Variants in ARHGAP15 observed in about 807,000 individuals in gnomAD.
The protein encoded by ARHGAP15 is Rho GTPase activating protein 15.
ARHGAP15 carries 51 observed loss-of-function variants against 63.7 expected under a neutral mutation model. That is an observed-to-expected ratio of 0.80 (90% CI 0.64 to 1.01). The LOEUF (loss-of-function observed/expected upper bound fraction) is 1.01. Ranked by LOEUF, ARHGAP15 falls within the 50% of genes least tolerant of loss-of-function variation. The pLI is 0.00. For synonymous variants in ARHGAP15, 191 were observed against 193.8 expected (o/e 0.99, Z 0.12); for missense variants, 560 against 564.6 (o/e 0.99, Z 0.08).
At chr2:143,752,987 T>G (rs1286594014) in intron 13 of ARHGAP15, among the ~76,000 whole-genome samples, 6 of 152,030 alleles carry the variant, frequency 3.9e-5, no homozygotes, top group African/African-American at 1.4e-4. Flanking sequence ...ACAAAAAAAT[T>G]TTTTTTAATT....
chr2:143,702,226 A>G (rs1313282354), intron 12 of ARHGAP15, among the ~76,000 whole-genome samples: 1 of 152,224 alleles, frequency 6.6e-6, no homozygotes, highest in Admixed American at 6.5e-5. Flanking sequence ...ATAAATAATT[A>G]TACCTCTAGA....
At position 143,691,809 on chromosome 2, in the gene ARHGAP15, A is replaced by G. The variant is rs575743353; in HGVS notation, c.1139-11610A>G. Among the ~76,000 whole-genome samples, 5 of 152,332 alleles carry G rather than the reference A, an allele frequency of 3.3e-5. 1 individual carries two copies. The South Asian group carries it at 1.0e-3, about 32-fold the overall frequency. Reference sequence around the variant, plus strand: ...TCTTTGTGATAACCATTTTTAAGAAAAGGACAACTCCCATTGCAGATTGGC... The same window carrying G: ...TCTTTGTGATAACCATTTTTAAGAAGAGGACAACTCCCATTGCAGATTGGC... On this transcript the variant is annotated intron_variant, in intron 12 of 13. Coordinates refer to ENST00000295095, the MANE Select transcript of ARHGAP15 (RefSeq NM_018460.4).
chr2:143,540,370 C>G (rs1394498924), intron 10 of ARHGAP15, among the ~76,000 whole-genome samples: 1 of 152,130 alleles, frequency 6.6e-6, no homozygotes, highest in African/African-American at 2.4e-5. Context: ...AGCGTTTAGC[C>G]CATTTACATT....
intron 13 of ARHGAP15, among the ~76,000 whole-genome samples, chr2:143,707,361 G>A (rs1304144901): frequency 1.3e-5 from 2 of 152,166 alleles, no homozygotes; most frequent in African/African-American, 4.8e-5. Flanking sequence ...TATGAAAATA[G>A]TCCCCCTGAT....
At chr2:143,623,997 G>T in intron 11 of ARHGAP15, 136 bp from the exon 12 acceptor site, 1 of 959,860 alleles carries the variant, frequency 1.0e-6, no homozygotes, top group Non-Finnish European at 1.5e-6. Flanking sequence ...AAAAAAAAAT[G>T]CACAGCACCA....
chr2:143,543,827 C>T (rs1048962493), intron 10 of ARHGAP15, among the ~76,000 whole-genome samples: 2 of 151,918 alleles, frequency 1.3e-5, no homozygotes, highest in African/African-American at 4.8e-5. Flanking sequence ...TTTTTTAAGT[C>T]AACAAAGTGT....
chr2:143,305,489 C>G (rs1683125236), intron 6 of ARHGAP15: 2 of 151,938 alleles, frequency 1.3e-5, no homozygotes, highest in South Asian at 2.1e-4. Context: ...TATGACCGGT[C>G]TTAAAGCAAT....
intron 8 of ARHGAP15, among the ~76,000 whole-genome samples, chr2:143,448,414 C>T (rs1690246021): frequency 1.3e-5 from 2 of 151,984 alleles, no homozygotes; most frequent in South Asian, 4.2e-4. Flanking sequence ...AGATAGGTAG[C>T]ACAGAGTGAG....
intron 1 of ARHGAP15, among the ~76,000 whole-genome samples, chr2:143,141,428 C>A (rs929343514): frequency 6.6e-6 from 1 of 152,112 alleles, no homozygotes. Context: ...CAGTGTCTGA[C>A]TTTAAGGAGC....
intron 6 of ARHGAP15, among the ~76,000 whole-genome samples, chr2:143,254,518 T>C (rs1680320674): frequency 6.6e-6 from 1 of 152,104 alleles, no homozygotes; most frequent in Non-Finnish European, 1.5e-5. Context: ...GTTAAATATT[T>C]TGGAAAGCCT....
chr2:143,300,574 C>T (rs1682850090), intron 6 of ARHGAP15, among the ~76,000 whole-genome samples: 1 of 151,976 alleles, frequency 6.6e-6, no homozygotes, highest in African/African-American at 2.4e-5. Context: ...GGTTAGGCAG[C>T]TCTCCCCTAT....
At chr2:143,213,924 G>C (rs1048673555) in intron 3 of ARHGAP15, among the ~76,000 whole-genome samples, 2 of 152,208 alleles carry the variant, frequency 1.3e-5, no homozygotes, top group Non-Finnish European at 2.9e-5. Flanking sequence ...TCAATCTCAA[G>C]TATTCTGGGA....
chr2:143,381,671 G>A (rs1348223887), intron 6 of ARHGAP15, among the ~76,000 whole-genome samples: 1 of 152,020 alleles, frequency 6.6e-6, no homozygotes, highest in African/African-American at 2.4e-5. Context: ...TGATTTACAG[G>A]CACCCTCTCA....
chr2:143,204,112 T>A (rs1329690970), intron 3 of ARHGAP15, among the ~76,000 whole-genome samples: 2 of 152,098 alleles, frequency 1.3e-5, no homozygotes, highest in Non-Finnish European at 2.9e-5. Context: ...GTTTGCTCTG[T>A]CTTCAAAATA....
chr2:143,514,242 A>G (rs756140153), intron 9 of ARHGAP15, among the ~76,000 whole-genome samples: 1 of 152,190 alleles, frequency 6.6e-6, no homozygotes, highest in Non-Finnish European at 1.5e-5. Context: ...TGAATGAATA[A>G]AGCAATCTTT....
intron 6 of ARHGAP15, among the ~76,000 whole-genome samples, chr2:143,425,281 A>T (rs559610099): frequency 1.3e-5 from 2 of 152,180 alleles, no homozygotes; most frequent in Admixed American, 6.6e-5. Context: ...ATAGAGTCAC[A>T]GGTGGTTTAT....
chr2:143,646,050 C>G (rs1453916793), intron 12 of ARHGAP15, among the ~76,000 whole-genome samples: 4 of 152,008 alleles, frequency 2.6e-5, no homozygotes, highest in Non-Finnish European at 4.4e-5. Flanking sequence ...TCAGCACGCA[C>G]TAATGTTGAA....
At chr2:143,342,799 A>C (rs1055068056) in intron 6 of ARHGAP15, among the ~76,000 whole-genome samples, 4 of 152,038 alleles carry the variant, frequency 2.6e-5, no homozygotes, top group African/African-American at 7.2e-5. Context: ...ATCACTAGAT[A>C]CCTTTTCTTA....
intron 13 of ARHGAP15, among the ~76,000 whole-genome samples, chr2:143,744,745 A>G (rs2105513885): frequency 6.6e-6 from 1 of 152,316 alleles, no homozygotes; most frequent in South Asian, 2.1e-4. Flanking sequence ...TTGAGAGACT[A>G]TTATAGTTTT....
Sources: gnomAD v4.1 joint callset for allele counts (sites outside exome capture counted in the v4.1 genomes callset) on GRCh38, gnomAD v4.1.1 for gene constraint, MANE v1.5 for transcripts, NCBI Gene and HGNC (gene_info 2026-07-23, HGNC 2026-07-21) for gene names.